The following KIF3A variants were observed in gnomAD, a reference collection of about 807,000 sequenced individuals.
KIF3A encodes the protein kinesin-like protein KIF3A.
KIF3A carries 27 observed loss-of-function variants against 92.6 expected under a neutral mutation model. The ratio of observed to expected loss-of-function variants is 0.29; its 90% CI spans 0.21 to 0.40. The LOEUF is 0.40. Ranked by LOEUF, KIF3A falls within the 10% of genes least tolerant of loss-of-function variation. The pLI, the probability that KIF3A is intolerant of heterozygous loss-of-function variation, is 1.00. For synonymous variants in KIF3A, 250 were observed against 275.4 expected, an observed-to-expected ratio of 0.91 and a Z score of 0.92; for missense variants, 581 against 872.6, an observed-to-expected ratio of 0.67 and a Z score of 4.21.
intron 8 of KIF3A, 76 bp from the exon 9 acceptor site, chr5:132,711,133 T>C (rs1051807237): frequency 1.2e-5 from 17 of 1,363,184 alleles, no homozygotes; most frequent in Non-Finnish European, 1.7e-5. Context: ...CTATATCAGC[T>C]TTCTTCCTCA....
chr5:132,716,391 CT>C lies in KIF3A; in HGVS notation c.807del (p.Ala270LeufsTer14). Reference protein sequence around the residue: ...KTGATGQRLKEATKINLSLST... With the variant: ...KTGATGQRLKXATKINLSLST... ...GAAAGTGAAAGATTGATTTTTGTAG[CT>C]TCCTTTAGGCGCTGTCCAGTAGCTC... On this transcript the variant is annotated frameshift_variant, in exon 7 of 19. Coordinates refer to ENST00000403231, the MANE Select transcript of KIF3A (RefSeq NM_001300791.2). LOFTEE classifies it high-confidence loss of function. 1 of 1,614,012 alleles carries C rather than the reference CT, an allele frequency of 6.2e-7. No individual in the cohort carries two copies. The highest frequency in any genetic ancestry group is 8.5e-7 in the Non-Finnish European group (1 of 1,179,948).
At chr5:132,705,045 C>T (rs983451667) in intron 11 of KIF3A, among the ~76,000 whole-genome samples, 2 of 151,764 alleles carry the variant, frequency 1.3e-5, no homozygotes, top group Non-Finnish European at 3.0e-5. Flanking sequence ...CAAATTCATG[C>T]TTTGGTGTGG....
At chr5:132,706,875 CT>C (rs1753230107) in intron 10 of KIF3A, among the ~76,000 whole-genome samples, 1 of 152,108 alleles carries the variant, frequency 6.6e-6, no homozygotes, top group Admixed American at 6.5e-5. Context: ...ATTTTAACAA[CT>C]AGTACATTTA....
intron 10 of KIF3A, 22 bp downstream of exon 10, chr5:132,708,885 G>C (rs1050244198): frequency 1.3e-6 from 2 of 1,514,744 alleles, no homozygotes; most frequent in Non-Finnish European, 9.0e-7. Context: ...CTCTGTTAGA[G>C]AATGTAAGAG....
At chr5:132,691,792 C>T (rs1444724332), downstream of KIF3A, among the ~76,000 whole-genome samples, 1 of 151,796 alleles carries the variant, frequency 6.6e-6, no homozygotes, top group Non-Finnish European at 1.5e-5. Context: ...ATCCCAGCTA[C>T]TCAGGAGGCT....
At chr5:132,723,694 A>G (rs1471770815) in intron 4 of KIF3A, 2 of 152,224 alleles carry the variant, frequency 1.3e-5, no homozygotes, top group Admixed American at 6.5e-5. Flanking sequence ...AACCATGAAA[A>G]CCCTAGAAGA....
chr5:132,698,136 G>A (rs185357857), intron 18 of KIF3A, among the ~76,000 whole-genome samples: 3 of 152,238 alleles, frequency 2.0e-5, no homozygotes, highest in African/African-American at 7.2e-5. Flanking sequence ...TAAGTGTTAA[G>A]TCATGTCTAT....
chr5:132,711,005 T>G lies in KIF3A; in HGVS notation c.1182A>C (p.Glu394Asp), dbSNP rs1419882390. ...DISGSEEDDD[E>D]EGEVGEDGEK... ...CTCCATCTTCTCCAACCTCACCCTC[T>G]TCATCATCATCTTCCTCTGACCCAC... Residue 394 changes from glutamate (E) to aspartate (D), a missense_variant, in exon 9 of 19, where the codon GAA (glutamate) becomes GAC (aspartate). Coordinates refer to ENST00000403231, the MANE Select transcript of KIF3A (RefSeq NM_001300791.2). 4 of 1,611,576 alleles carry G rather than the reference T, an allele frequency of 2.5e-6. No individual in the cohort carries two copies.
At chr5:132,710,711 T>C (rs1753390296) in intron 9 of KIF3A, among the ~76,000 whole-genome samples, 2 of 152,298 alleles carry the variant, frequency 1.3e-5, no homozygotes, top group South Asian at 2.1e-4. Context: ...AATTTTAAAA[T>C]GGCATACCCA....
intron 4 of KIF3A, among the ~76,000 whole-genome samples, chr5:132,724,518 G>T (rs1269510347): frequency 1.3e-5 from 2 of 151,854 alleles, no homozygotes; most frequent in South Asian, 2.1e-4. Flanking sequence ...CTGGAAACCA[G>T]CATTCTCAGC....
At chr5:132,706,368 T>A in intron 11 of KIF3A, 83 bp downstream of exon 11, 1 of 1,005,316 alleles carries the variant, frequency 9.9e-7, no homozygotes, top group South Asian at 2.2e-5. Context: ...TACTAAATTT[T>A]AAAAATTTAA....
downstream of KIF3A, among the ~76,000 whole-genome samples, chr5:132,691,376 C>T (rs907065859): frequency 6.6e-5 from 10 of 151,262 alleles, 1 homozygote; most frequent in South Asian, 1.7e-3. Context: ...GGAGAAACAC[C>T]GTCTCTACTA....
chr5:132,734,870 G>C (rs1754340134), intron 1 of KIF3A, among the ~76,000 whole-genome samples: 1 of 152,092 alleles, frequency 6.6e-6, no homozygotes, highest in South Asian at 2.1e-4. Context: ...TAGGTCCTTT[G>C]TTTCCCCTGA....
chr5:132,729,439 G>A (rs902708733), intron 2 of KIF3A, among the ~76,000 whole-genome samples: 1 of 146,716 alleles, frequency 6.8e-6, no homozygotes, highest in African/African-American at 2.6e-5. Context: ...GTGACAGGGT[G>A]AGACCTTGTC....
chr5:132,715,962 T>C, intron 7 of KIF3A, 31 bp from the exon 8 acceptor site: 1 of 1,456,658 alleles, frequency 6.9e-7, no homozygotes, highest in Non-Finnish European at 9.4e-7. Flanking sequence ...AACAAATCAT[T>C]TTACACTTGA....
chr5:132,707,572 G>C (rs1581072005), intron 10 of KIF3A, among the ~76,000 whole-genome samples: 2 of 152,248 alleles, frequency 1.3e-5, no homozygotes, highest in East Asian at 3.9e-4. Context: ...ATTATACAAA[G>C]TAATACCTCT....
chr5:132,708,239 G>A (rs1475873860), intron 10 of KIF3A, among the ~76,000 whole-genome samples: 1 of 142,254 alleles, frequency 7.0e-6, no homozygotes, highest in Non-Finnish European at 1.5e-5. Flanking sequence ...CCAAGACTGC[G>A]CCACTGCACT....
intron 11 of KIF3A, among the ~76,000 whole-genome samples, chr5:132,704,928 T>C (rs1753157033): frequency 6.6e-6 from 1 of 151,918 alleles, no homozygotes; most frequent in African/African-American, 2.4e-5. Context: ...CAAAATTATG[T>C]AAAAAACTCT....
chr5:132,698,024 A>C (rs779909776), intron 18 of KIF3A: 1 of 152,222 alleles, frequency 6.6e-6, no homozygotes, highest in Non-Finnish European at 1.5e-5. Flanking sequence ...TTGGTATAGG[A>C]AAGTTTTTAA....
Sources: gnomAD v4.1 joint callset for allele counts (sites outside exome capture counted in the v4.1 genomes callset) on GRCh38, gnomAD v4.1.1 for gene constraint, MANE v1.5 for transcripts, NCBI Gene and HGNC (gene_info 2026-07-23, HGNC 2026-07-21) for gene names.